REL: variants seen among roughly 807,000 people sequenced by gnomAD.
The protein encoded by REL is proto-oncogene c-Rel.
A neutral mutation model predicts 45.9 loss-of-function variants in REL; 15 were observed. The observed-to-expected ratio is 0.33, with a 90% confidence interval of 0.22 to 0.50. The LOEUF is 0.50. REL is among the 20% of genes least tolerant of loss of function. The pLI is 0.98. For synonymous variants in REL, 239 were observed against 242.1 expected (o/e 0.99, Z 0.12); for missense variants, 601 against 715.2 (o/e 0.84, Z 1.82).
chr2:60,911,614 G>T (rs1673815713), intron 4 of REL, among the ~76,000 whole-genome samples: 1 of 152,094 alleles, frequency 6.6e-6, no homozygotes, highest in African/African-American at 2.4e-5. Flanking sequence ...GATTTCTTTA[G>T]GGAAAATTAT....
rs1573348452 is a variant in REL, at chr2:60,922,023, C to A, written c.1252C>A (p.Pro418Thr). The A allele has an allele frequency of 6.2e-7, 1 of 1,614,172 alleles. No homozygotes were observed. Among genetic ancestry groups the A allele is most frequent in the Non-Finnish European group, 8.5e-7 (1 of 1,180,002 alleles). ...SQGIPPFLRI[P>T]VGNDLNASNA... Reference sequence around the variant, plus strand: ...AGGTATCCCACCATTCCTGAGAATACCTGTTGGGAATGATTTAAATGCTTC... The same window carrying A: ...AGGTATCCCACCATTCCTGAGAATAACTGTTGGGAATGATTTAAATGCTTC... Residue 418 changes from proline to threonine, a missense_variant, in exon 10 of 10, where the codon CCT becomes ACT. Physicochemically the swap from Pro to Thr is conservative, Grantham distance 38. Transcript: ENST00000394479.
intron 1 of REL, among the ~76,000 whole-genome samples, chr2:60,885,764 C>T (rs1315193708): frequency 3.9e-5 from 6 of 152,220 alleles, no homozygotes; most frequent in Non-Finnish European, 5.9e-5. Flanking sequence ...AGTCTGTCAC[C>T]GAGGACCTTT....
rs1674348195 is a variant in REL, at chr2:60,929,798, A to T, written c.*7263A>T. The T allele has an allele frequency of 6.6e-6, 1 of 152,052 alleles. No individual in the cohort carries two copies. The highest frequency in any genetic ancestry group is 1.5e-5 in the Non-Finnish European group (1 of 68,012). The allele number at this position is 152,052 out of a possible 1,614,324, so 9.4% of individuals were successfully genotyped here. A position where few individuals can be genotyped will look rare whatever the true frequency, so the allele number is the denominator to read the frequency against. Reference sequence around the variant, plus strand: ...AGTAACCTGCACAATGTGCACATGTACCCTAAAGCTTAAAGTATAATAAAA... The same window carrying T: ...AGTAACCTGCACAATGTGCACATGTTCCCTAAAGCTTAAAGTATAATAAAA... On this transcript the variant is annotated 3_prime_UTR_variant, in exon 10 of 10. Transcript: ENST00000394479.
At chr2:60,913,303 A>G (rs1376736787) in intron 4 of REL, among the ~76,000 whole-genome samples, 2 of 151,920 alleles carry the variant, frequency 1.3e-5, no homozygotes, top group Non-Finnish European at 2.9e-5. Context: ...GCCTCCTCAT[A>G]TGTGTGGTTA....
At position 60,930,774 on chromosome 2, in the gene REL, T is replaced by C. The variant is rs1425676814; in HGVS notation, c.*8239T>C. 1 of 152,336 alleles carries C rather than the reference T, an allele frequency of 6.6e-6. No individual in the cohort carries two copies. The highest frequency in any genetic ancestry group is 1.5e-5 in the Non-Finnish European group (1 of 68,012). The allele number at this position is 152,336 out of a possible 1,614,324, so 9.4% of individuals were successfully genotyped here. A position where few individuals can be genotyped will look rare whatever the true frequency, so the allele number is the denominator to read the frequency against. ...GCTAGTACTTACCTATTTAAAGATGTAGAATTTATTATCCTCTAATATTCT... is the reference window on the plus strand; with the variant it reads ...GCTAGTACTTACCTATTTAAAGATGCAGAATTTATTATCCTCTAATATTCT... On this transcript the variant is annotated 3_prime_UTR_variant, in exon 10 of 10. Coordinates refer to ENST00000394479, the MANE Select transcript of REL (RefSeq NM_001291746.2).
At chr2:60,889,455 A>T (rs79657074) in intron 1 of REL, among the ~76,000 whole-genome samples, 8,931 of 151,328 alleles carry the variant, frequency 0.059, 664 homozygotes, top group East Asian at 0.38. Flanking sequence ...AATAGACACC[A>T]TTTTTTTTTA....
chr2:60,889,410 C>G lies in REL; in HGVS notation c.11-2273C>G, dbSNP rs371034004. On this transcript the variant is annotated intron_variant, in intron 1 of 9. Coordinates refer to ENST00000394479, the MANE Select transcript of REL (RefSeq NM_001291746.2). ...GACAGTTGGGATACCACCATAGTAT[C>G]ACTAAATCATTGTTTTCAAGAAAGC... Among the ~76,000 whole-genome samples, 18 of 152,256 alleles carry G rather than the reference C, an allele frequency of 1.2e-4. No individual in the cohort carries two copies. In the South Asian group the frequency reaches 2.7e-3, roughly 23 times the overall value.
intron 3 of REL, among the ~76,000 whole-genome samples, chr2:60,898,313 C>G: frequency 6.6e-6 from 1 of 152,334 alleles, no homozygotes; most frequent in East Asian, 1.9e-4. Flanking sequence ...AGCATTCCTT[C>G]TATATAGCCT....
chr2:60,918,419 G>A lies in REL; in HGVS notation c.666G>A (p.Leu222=), dbSNP rs1333131779. The A allele has an allele frequency of 1.2e-6, 2 of 1,610,122 alleles. No homozygotes were observed. Among genetic ancestry groups the A allele is most frequent in the East Asian group, 2.2e-5 (1 of 44,774 alleles). ...QKDDIEVRFV[L]NDWEAKGIFS... ...ATGACATAGAAGTTCGTTTTGTGTT[G>A]AACGATTGGGAAGCAAAAGGCATCT... The change falls in exon 7 of 10, where the codon TTG becomes TTA. Residue 222 remains leucine (L), a synonymous_variant. Coordinates refer to ENST00000394479, the MANE Select transcript of REL (RefSeq NM_001291746.2).
Position 60,881,616 on chromosome 2 carries a change from C to A in REL, c.-225C>A, listed in dbSNP as rs571337493. ...CCGCCCCCTGCCCCTGGCTCCCGTACGGTGGACGGCGACGCTGGGTGACCC... is the reference window on the plus strand; with the variant it reads ...CCGCCCCCTGCCCCTGGCTCCCGTAAGGTGGACGGCGACGCTGGGTGACCC... On this transcript the variant is annotated 5_prime_UTR_variant, in exon 1 of 10. Coordinates refer to ENST00000394479, the MANE Select transcript of REL (RefSeq NM_001291746.2). 4 of 519,454 alleles carry A rather than the reference C, an allele frequency of 7.7e-6. No individual in the cohort carries two copies. In the East Asian group the frequency reaches 1.0e-4, roughly 14 times the overall value. The allele number at this position is 519,454 out of a possible 1,614,324, so 32.2% of individuals were successfully genotyped here.
chr2:60,920,185 T>C, intron 8 of REL, 76 bp downstream of exon 8: 1 of 1,175,172 alleles, frequency 8.5e-7, no homozygotes. Flanking sequence ...CAAATTTTAT[T>C]ATTTTTGTTT....
intron 1 of REL, among the ~76,000 whole-genome samples, chr2:60,891,449 G>C (rs1026546791): frequency 3.3e-5 from 5 of 152,004 alleles, no homozygotes; most frequent in African/African-American, 1.2e-4. Flanking sequence ...GTGCTAACCA[G>C]TCAATATGGT....
At chr2:60,916,134 C>T (rs1206145826) in intron 4 of REL, among the ~76,000 whole-genome samples, 1 of 152,202 alleles carries the variant, frequency 6.6e-6, no homozygotes, top group Non-Finnish European at 1.5e-5. Flanking sequence ...AGTTCCAGGC[C>T]AGGCTCAGTG....
In REL at chr2:60,929,962, C is replaced by T. The variant is rs1386822811; in HGVS notation, c.*7427C>T. 1 of 151,732 alleles carries T rather than the reference C, an allele frequency of 6.6e-6. No individual in the cohort carries two copies. The highest frequency in any genetic ancestry group is 1.5e-5 in the Non-Finnish European group (1 of 67,966). The allele number at this position is 151,732 out of a possible 1,614,324, so 9.4% of individuals were successfully genotyped here. A position where few individuals can be genotyped will look rare whatever the true frequency, so the allele number is the denominator to read the frequency against. On this transcript the variant is annotated 3_prime_UTR_variant, in exon 10 of 10. Transcript: ENST00000394479. ...TCTGTAGTGAGCAGTGATTACGCCA[C>T]TGCACTCCAGCCTGGGCAAGACCCT... is the stretch of plus-strand genomic sequence containing the variant.
rs555074859 is a variant in REL, at chr2:60,910,765, C to T, written c.395-6112C>T. Among the ~76,000 whole-genome samples, 20 of 152,174 alleles carry T rather than the reference C, an allele frequency of 1.3e-4. No homozygotes were observed. In the South Asian group the frequency reaches 4.1e-3, roughly 32 times the overall value. The stretch of plus-strand genomic sequence containing the variant: ...TGGCCAACATGGTGAAACCCCGTCT[C>T]TACTAAAAATACAAAACTTAGCCAG... On this transcript the variant is annotated intron_variant, in intron 4 of 9. Transcript: ENST00000394479.
At chr2:60,883,005 G>A (rs1573307201) in intron 1 of REL, among the ~76,000 whole-genome samples, 2 of 152,138 alleles carry the variant, frequency 1.3e-5, no homozygotes, top group Non-Finnish European at 2.9e-5. Flanking sequence ...GGAGAGCCGG[G>A]GCGGGGGGAT....
At chr2:60,885,307 T>C (rs536040979) in intron 1 of REL, among the ~76,000 whole-genome samples, 3 of 152,348 alleles carry the variant, frequency 2.0e-5, no homozygotes, top group South Asian at 2.1e-4. Flanking sequence ...CTGGGCCTCC[T>C]CTGTTTTTAT....
chr2:60,920,359 C>T (rs1482360364), intron 8 of REL: 1 of 618,924 alleles, frequency 1.6e-6, no homozygotes, highest in East Asian at 2.8e-5. Flanking sequence ...TGCCACCACA[C>T]CCGGCTAATT....
chr2:60,898,217 A>G (rs1673404723), intron 3 of REL, among the ~76,000 whole-genome samples: 1 of 152,198 alleles, frequency 6.6e-6, no homozygotes, highest in Admixed American at 6.5e-5. Flanking sequence ...CGCTTTAGCC[A>G]GTGTGATCTT....
Sources: allele counts gnomAD v4.1 joint callset (sites outside exome capture counted in the v4.1 genomes callset), GRCh38; gene constraint gnomAD v4.1.1; transcripts MANE v1.5; gene names NCBI Gene and HGNC (gene_info 2026-07-23, HGNC 2026-07-21).